The following GNPNAT1 variants were observed in gnomAD, a reference collection of about 807,000 sequenced individuals.
GNPNAT1 encodes glucosamine-phosphate N-acetyltransferase 1.
Under a neutral mutation model 19.8 loss-of-function variants are expected in GNPNAT1, and 11 were observed. The ratio of observed to expected loss-of-function variants is 0.56; its 90% CI spans 0.35 to 0.92. The LOEUF (loss-of-function observed/expected upper bound fraction) is 0.92, where lower values mean the gene tolerates loss of function less well. Among genes scored for constraint, GNPNAT1 ranks in the 40% least tolerant of loss-of-function variants. The pLI is 0.01. For synonymous variants in GNPNAT1, 71 were observed against 72.3 expected (o/e 0.98, Z 0.09); for missense variants, 157 against 211.0 (o/e 0.74, Z 1.59).
At chr14:52,782,039 C>A in intron 3 of GNPNAT1, 128 bp from the exon 4 acceptor site, 1 of 737,728 alleles carries the variant, frequency 1.4e-6, no homozygotes, top group Non-Finnish European at 2.0e-6. Context: ...AATTTACCTT[C>A]CATTTCTAAA....
intron 4 of GNPNAT1, 63 bp downstream of exon 4, chr14:52,781,721 T>C: frequency 1.4e-6 from 2 of 1,480,192 alleles, no homozygotes; most frequent in Non-Finnish European, 1.8e-6. Flanking sequence ...ATTTGTCTAA[T>C]GGAAACTCAA....
chr14:52,781,430 T>G (rs1405434562), intron 4 of GNPNAT1, among the ~76,000 whole-genome samples: 1 of 152,144 alleles, frequency 6.6e-6, no homozygotes, highest in Non-Finnish European at 1.5e-5. Flanking sequence ...GCATTAGATG[T>G]ATCATAATTA....
At chr14:52,781,759 C>A in intron 4 of GNPNAT1, 25 bp downstream of exon 4, 1 of 1,563,112 alleles carries the variant, frequency 6.4e-7, no homozygotes. Context: ...AACAGCTGTC[C>A]ATTTTATTTA....
rs2139955009 is a variant in GNPNAT1, at chr14:52,776,511, G to C, written c.*1800C>G. ...TGATTTTACCTCAAATTGTTCAGTG[G>C]TAAGAAAGGTAATAAAGCATTTAGT... On this transcript the variant is annotated 3_prime_UTR_variant, in exon 6 of 6. Coordinates refer to ENST00000216410, the MANE Select transcript of GNPNAT1 (RefSeq NM_198066.4). 1 of 152,230 alleles carries C rather than the reference G, an allele frequency of 6.6e-6. No homozygotes were observed. The highest frequency in any genetic ancestry group is 1.9e-4 in the East Asian group (1 of 5,164). The allele number at this position is 152,230 out of a possible 1,614,324, so 9.4% of individuals were successfully genotyped here.
chr14:52,780,949 T>C (rs1443128751), intron 4 of GNPNAT1, among the ~76,000 whole-genome samples: 1 of 152,162 alleles, frequency 6.6e-6, no homozygotes, highest in African/African-American at 2.4e-5. Context: ...TATTCTGTAA[T>C]AGCTGAACAT....
intron 4 of GNPNAT1, 171 bp downstream of exon 4, chr14:52,781,613 A>G (rs979781928): frequency 1.3e-5 from 7 of 552,628 alleles, no homozygotes; most frequent in Admixed American, 8.2e-5. Flanking sequence ...CAATTTTAGC[A>G]TACAATTCAT....
At chr14:52,782,288 C>T (rs904569951) in intron 3 of GNPNAT1, among the ~76,000 whole-genome samples, 1 of 152,040 alleles carries the variant, frequency 6.6e-6, no homozygotes, top group Non-Finnish European at 1.5e-5. Flanking sequence ...CAAATATAAC[C>T]TTTGCACATT....
rs1883168544 is a variant in GNPNAT1, at chr14:52,791,248, C to G, written c.-15+180G>C. Among the ~76,000 whole-genome samples the G allele has an allele frequency of 6.6e-6, 1 of 152,144 alleles. No individual in the cohort carries two copies. Among genetic ancestry groups the G allele is most frequent in the Admixed American group, 6.5e-5 (1 of 15,288 alleles). On this transcript the variant is annotated intron_variant, in intron 1 of 5. Transcript: ENST00000216410. The surrounding 1 kb of genome is among the most constrained non-coding windows in gnomAD (Gnocchi z 4.1). ...CGCGTGCGTTCAACTTCCTGGGAAC[C>G]GCGCTCCACACCATGTGCACCCAGC...
intron 1 of GNPNAT1, among the ~76,000 whole-genome samples, chr14:52,790,267 A>G (rs761018507): frequency 8.5e-5 from 13 of 152,326 alleles, no homozygotes; most frequent in South Asian, 8.3e-4. Context: ...AAAAAATACA[A>G]TCTAAGGCCA....
Position 52,784,551 on chromosome 14 carries a change from G to A in GNPNAT1, c.100C>T (p.His34Tyr). 1.2e-6 allele frequency: 2 copies of A among 1,609,478 alleles called. No homozygotes were observed. Among genetic ancestry groups the A allele is most frequent in the Non-Finnish European group, 1.7e-6 (2 of 1,178,046 alleles). The part of the protein sequence containing the change: ...ATFSPAISPT[H>Y]PGEGLVLRPL... ...CTCAAAACCAAGCCTTCTCCAGGAT[G>A]TGTTGGGGAAATGGCTGGAGAAAAT... The change falls in exon 2 of 6, where the codon CAT becomes TAT. Residue 34 changes from histidine to tyrosine, a missense_variant. By Grantham distance (83) the His-to-Tyr change is moderately conservative (BLOSUM62 2). Transcript: ENST00000216410.
At position 52,776,842 on chromosome 14, in the gene GNPNAT1, A is replaced by C. The variant is rs1337991180; in HGVS notation, c.*1469T>G. ...AGTGCTGGGATTACAGGCGTGAGCCACTGCACCCGGCCTTACCAGGCTAAT... is the reference window on the plus strand; with the variant it reads ...AGTGCTGGGATTACAGGCGTGAGCCCCTGCACCCGGCCTTACCAGGCTAAT... On this transcript the variant is annotated 3_prime_UTR_variant, in exon 6 of 6. Transcript: ENST00000216410. 1.3e-5 allele frequency: 2 copies of C among 152,230 alleles called. No individual in the cohort carries two copies. Among genetic ancestry groups the C allele is most frequent in the African/African-American group, 4.8e-5 (2 of 41,446 alleles). 9.4% of individuals were successfully genotyped at this position (152,230 alleles called of 1,614,324 possible).
intron 1 of GNPNAT1, among the ~76,000 whole-genome samples, chr14:52,789,584 T>A (rs1207051232): frequency 6.6e-6 from 1 of 152,136 alleles, no homozygotes; most frequent in African/African-American, 2.4e-5. Context: ...AACCGTAAAA[T>A]TCTGCTGGTG....
intron 1 of GNPNAT1, among the ~76,000 whole-genome samples, chr14:52,788,530 G>A (rs966348811): frequency 1.3e-5 from 2 of 152,132 alleles, no homozygotes; most frequent in East Asian, 3.8e-4. Flanking sequence ...CATCTGAATG[G>A]TAGGTAGCAA....
intron 1 of GNPNAT1, among the ~76,000 whole-genome samples, chr14:52,785,390 T>A (rs914921982): frequency 8.5e-5 from 13 of 152,096 alleles, no homozygotes; most frequent in Admixed American, 7.2e-4. Flanking sequence ...GAAAAAAATT[T>A]TTTTTAAAAA....
At chr14:52,781,985 T>C in intron 3 of GNPNAT1, 74 bp from the exon 4 acceptor site, 1 of 1,316,094 alleles carries the variant, frequency 7.6e-7, no homozygotes, top group Non-Finnish European at 1.0e-6. Context: ...ATATTAGGAT[T>C]AGCTGACTTA....
rs568102148 is a variant in GNPNAT1, at chr14:52,779,643, C to T, written c.407+1036G>A. ...GCTGAGGCGAGAGGCTCACTTGAGC[C>T]CCAGAAATTCAAGGCTGCAGTGAGC... On this transcript the variant is annotated intron_variant, in intron 5 of 5. Transcript: ENST00000216410. Among the ~76,000 whole-genome samples the T allele has an allele frequency of 7.9e-4, 115 of 146,448 alleles. 1 individual carries two copies. Among genetic ancestry groups the T allele is most frequent in the African/African-American group, 2.8e-3 (111 of 39,470 alleles).
chr14:52,790,549 G>C (rs1170391966), intron 1 of GNPNAT1, among the ~76,000 whole-genome samples: 1 of 152,116 alleles, frequency 6.6e-6, no homozygotes, highest in African/African-American at 2.4e-5. Flanking sequence ...GAGGAAGCTG[G>C]AGCACCTGGA....
chr14:52,775,260 C>T lies in GNPNAT1; in HGVS notation c.*3051G>A, dbSNP rs1467270240. Reference sequence around the variant, plus strand: ...AGTTTGGAGTTGGAAGTGAGAGAATCGTGTTTAAAGGAAAGGGTAGGTCAT... The same window carrying T: ...AGTTTGGAGTTGGAAGTGAGAGAATTGTGTTTAAAGGAAAGGGTAGGTCAT... On this transcript the variant is annotated 3_prime_UTR_variant, in exon 6 of 6. Transcript: ENST00000216410. 1.3e-5 allele frequency: 2 copies of T among 151,944 alleles called. No homozygotes were observed. Among genetic ancestry groups the T allele is most frequent in the Admixed American group, 6.6e-5 (1 of 15,260 alleles). 9.4% of individuals were successfully genotyped at this position (151,944 alleles called of 1,614,324 possible). A position where few individuals can be genotyped will look rare whatever the true frequency, so the allele number is the denominator to read the frequency against.
chr14:52,787,334 A>G (rs1883046257), intron 1 of GNPNAT1, among the ~76,000 whole-genome samples: 2 of 152,136 alleles, frequency 1.3e-5, no homozygotes, highest in South Asian at 4.1e-4. Flanking sequence ...ATGTAACTAT[A>G]TAAGCAATGC....
Sources: allele counts gnomAD v4.1 joint callset (sites outside exome capture counted in the v4.1 genomes callset), GRCh38; gene constraint gnomAD v4.1.1; non-coding constraint Gnocchi (gnomAD v3.1); transcripts MANE v1.5; gene names NCBI Gene and HGNC (gene_info 2026-07-23, HGNC 2026-07-21).